The following B4GALNT3 variants were observed in gnomAD, a reference collection of about 807,000 sequenced individuals.
The protein encoded by B4GALNT3 is beta-1,4-N-acetylgalactosaminyltransferase 3.
In B4GALNT3, 86 loss-of-function variants were observed where a neutral mutation model predicts 120.2. That is an observed-to-expected ratio of 0.72 (90% confidence interval 0.60 to 0.86). The LOEUF is 0.86. Among genes scored for constraint, B4GALNT3 ranks in the 40% least tolerant of loss-of-function variants. B4GALNT3 has a pLI of 0.00. For synonymous variants in B4GALNT3, 518 were observed against 510.4 expected, an observed-to-expected ratio of 1.01 and a Z score of -0.20; for missense variants, 1,167 against 1,298.9, an observed-to-expected ratio of 0.90 and a Z score of 1.56.
At chr12:557,546 C>A in intron 15 of B4GALNT3, 62 bp from the exon 16 acceptor site, 1 of 1,538,836 alleles carries the variant, frequency 6.5e-7, no homozygotes, top group Non-Finnish European at 8.8e-7. Context: ...GGGGTGGAGG[C>A]GCTCATCCGC....
intron 1 of B4GALNT3, among the ~76,000 whole-genome samples, chr12:512,055 C>T (rs1946578596): frequency 7.0e-6 from 1 of 142,152 alleles, no homozygotes; most frequent in Non-Finnish European, 1.5e-5. Context: ...CCACCTTCGA[C>T]CTTCTTCCAC....
chr12:556,004 T>C (rs7133882), intron 14 of B4GALNT3, among the ~76,000 whole-genome samples: 29,677 of 150,254 alleles, frequency 0.2, 4,904 homozygotes, highest in African/African-American at 0.45. Context: ...AGGCTGGTCT[T>C]GATCTCCTGA....
intron 4 of B4GALNT3, 62 bp from the exon 5 acceptor site, chr12:544,820 C>G (rs1946971732): frequency 4.6e-6 from 7 of 1,531,886 alleles, no homozygotes; most frequent in Admixed American, 3.4e-5. Flanking sequence ...CCCGCCAATC[C>G]TGGCGGGAAG....
intron 1 of B4GALNT3, among the ~76,000 whole-genome samples, chr12:523,837 C>A (rs112794256): frequency 6.6e-6 from 1 of 152,038 alleles, no homozygotes; most frequent in Admixed American, 6.6e-5. Flanking sequence ...CTGAGACAGG[C>A]GGCTCACGAG....
chr12:517,315 A>G (rs974894380), intron 1 of B4GALNT3, among the ~76,000 whole-genome samples: 1 of 152,170 alleles, frequency 6.6e-6, no homozygotes, highest in East Asian at 1.9e-4. Flanking sequence ...GCAAAAGGAT[A>G]AGGAGTAGCC....
At chr12:543,919 G>T in intron 3 of B4GALNT3, among the ~76,000 whole-genome samples, 1 of 133,432 alleles carries the variant, frequency 7.5e-6, no homozygotes. Flanking sequence ...GACGGGCATG[G>T]GGTGCTCATC....
intron 1 of B4GALNT3, among the ~76,000 whole-genome samples, chr12:492,549 T>A (rs1592020858): frequency 6.6e-6 from 1 of 152,232 alleles, no homozygotes. Flanking sequence ...CCCAACTTGA[T>A]CTACAGACTC....
In B4GALNT3 at chr12:556,608, C is replaced by T. The variant is rs764641287; in HGVS notation, c.2122C>T (p.Arg708Cys). 6.8e-6 allele frequency: 11 copies of T among 1,613,888 alleles called. No individual in the cohort carries two copies. Among genetic ancestry groups the T allele is most frequent in the African/African-American group, 6.7e-5 (5 of 74,914 alleles). The change falls in exon 15 of 20, where the codon CGC becomes TGC. Residue 708 changes from arginine (R) to cysteine (C), a missense_variant. Transcript: ENST00000266383. ...EKRQDQLRGG[R>C]YLLELELLEQ... ...GCGTCAGGACCAGCTACGTGGGGGT[C>T]GCTACCTCCTGGAGCTTGAACTGTT...
Position 548,278 on chromosome 12 carries a change from C to G in B4GALNT3, c.834C>G (p.Leu278=). ...CCAAGTTCACCATCATTGACTCCCTCTCCCTGTCCCTCTTCACAAGTGAGT... is the reference window on the plus strand; with the variant it reads ...CCAAGTTCACCATCATTGACTCCCTGTCCCTGTCCCTCTTCACAAGTGAGT... The part of the protein sequence containing the change: ...PGAKFTIIDS[L]SLSLFTNETF... The change falls in exon 9 of 20, where the codon CTC becomes CTG. Residue 278 remains leucine, a synonymous_variant. Transcript: ENST00000266383. The surrounding 1 kb of genome is among the most constrained non-coding windows in gnomAD (Gnocchi z 4.9). 1 of 1,614,144 alleles carries G rather than the reference C, an allele frequency of 6.2e-7. No individual in the cohort carries two copies. Among genetic ancestry groups the G allele is most frequent in the Non-Finnish European group, 8.5e-7 (1 of 1,180,000 alleles).
intron 3 of B4GALNT3, among the ~76,000 whole-genome samples, chr12:538,739 G>A (rs576440730): frequency 4.6e-5 from 7 of 152,222 alleles, no homozygotes; most frequent in African/African-American, 1.7e-4. Context: ...TCAATGAGGA[G>A]AATAAGGAAG....
intron 1 of B4GALNT3, among the ~76,000 whole-genome samples, chr12:490,521 T>C (rs1946330832): frequency 6.6e-6 from 1 of 152,100 alleles, no homozygotes; most frequent in Non-Finnish European, 1.5e-5. Flanking sequence ...CAGATCACTT[T>C]AAGCTCAGTA....
In B4GALNT3 at chr12:553,759, G is replaced by A; in HGVS notation, c.1836G>A (p.Glu612=). ...AGGGAGAGGAAGAGGGGGAAGAAGA[G>A]GAGGAGGAAGAGGATATGAGTGAGG... ...QVEGEEEGEE[E]EEEEDMSEVF... is the part of the protein sequence containing the mutation. The change falls in exon 14 of 20, where the codon GAG becomes GAA. Residue 612 remains glutamate (E), a synonymous_variant. Coordinates refer to ENST00000266383, the MANE Select transcript of B4GALNT3 (RefSeq NM_173593.4). The A allele has an allele frequency of 1.9e-6, 3 of 1,614,154 alleles. No homozygotes were observed. Among genetic ancestry groups the A allele is most frequent in the Non-Finnish European group, 2.5e-6 (3 of 1,179,988 alleles).
In B4GALNT3 at chr12:556,030, G is replaced by A. The variant is rs575777138; in HGVS notation, c.2061-517G>A. Among the ~76,000 whole-genome samples, 334 of 152,054 alleles carry A rather than the reference G, an allele frequency of 2.2e-3. 2 individuals carry two copies. The highest frequency in any genetic ancestry group is 4.3e-3 in the Admixed American group (66 of 15,262). On this transcript the variant is annotated intron_variant, in intron 14 of 19. Transcript: ENST00000266383. ...GATCTCCTGACCTTGTGATCCACCT[G>A]CCTTGGCCTCCCAAAATGCTGGGAT...
intron 16 of B4GALNT3, 112 bp from the exon 17 acceptor site, chr12:557,904 C>G (rs889596714): frequency 1.4e-5 from 21 of 1,465,242 alleles, no homozygotes; most frequent in Non-Finnish European, 1.8e-5. Flanking sequence ...GCTCACCTGC[C>G]CATAATCCCA....
intron 1 of B4GALNT3, among the ~76,000 whole-genome samples, chr12:498,675 C>T (rs976206330): frequency 2.6e-5 from 4 of 152,158 alleles, no homozygotes; most frequent in Non-Finnish European, 5.9e-5. Context: ...TGTGGGGCGA[C>T]GCTAGCTGGT....
chr12:498,240 C>A (rs570240973), intron 1 of B4GALNT3, among the ~76,000 whole-genome samples: 2 of 152,168 alleles, frequency 1.3e-5, no homozygotes, highest in Non-Finnish European at 2.9e-5. Context: ...AGCCTTGTCA[C>A]TGGCTCTTCC....
At chr12:491,887 C>G (rs1372914299) in intron 1 of B4GALNT3, among the ~76,000 whole-genome samples, 1 of 151,684 alleles carries the variant, frequency 6.6e-6, no homozygotes, top group Non-Finnish European at 1.5e-5. Flanking sequence ...AACCTCGTCT[C>G]TACTAAAAAT....
intron 3 of B4GALNT3, chr12:543,315 A>G: frequency 1.1e-6 from 1 of 873,656 alleles, no homozygotes; most frequent in Non-Finnish European, 1.6e-6. Context: ...GGAGCTGAGG[A>G]GCTGGGATGG....
chr12:558,087 A>G lies in B4GALNT3; in HGVS notation c.2606A>G (p.Lys869Arg). 1 of 1,613,764 alleles carries G rather than the reference A, an allele frequency of 6.2e-7. No homozygotes were observed. Among genetic ancestry groups the G allele is most frequent in the Non-Finnish European group, 8.5e-7 (1 of 1,179,956 alleles). Residue 869 changes from lysine to arginine, a missense_variant and splice_region_variant, in exon 17 of 20, where the codon AAG becomes AGG. By Grantham distance (26) the Lys-to-Arg change is conservative (BLOSUM62 2). This residue lies in a region of B4GALNT3 where 983 missense variants were observed against 1,102.5 expected (regional missense o/e 0.89). Transcript: ENST00000266383. ...CTTCAGGCTGGCATAGACCTCGTGA[A>G]GGTAAAGGGCCTGGATGGGGCCTGC... Reference protein sequence around the residue: ...AGLQAGIDLVKDPHSIIFLCD... With the variant: ...AGLQAGIDLVRDPHSIIFLCD...
Sources: gnomAD v4.1 joint callset for allele counts (sites outside exome capture counted in the v4.1 genomes callset) on GRCh38, gnomAD v4.1.1 for gene constraint, gnomAD v4.1.1 regional missense constraint, Gnocchi (gnomAD v3.1) non-coding constraint, MANE v1.5 for transcripts, NCBI Gene and HGNC (gene_info 2026-07-23, HGNC 2026-07-21) for gene names.